ATAD1: variants seen among roughly 807,000 people sequenced by gnomAD.
ATAD1 encodes outer mitochondrial transmembrane helix translocase.
In ATAD1, 18 loss-of-function variants were observed where a neutral mutation model predicts 42.7. The observed-to-expected ratio is 0.42, with a 90% CI of 0.29 to 0.63. The LOEUF (loss-of-function observed/expected upper bound fraction) is 0.63. Among genes scored for constraint, ATAD1 ranks in the 20% least tolerant of loss-of-function variants. The pLI is 0.19. For missense variants in ATAD1, 294 were observed against 440.4 expected, an observed-to-expected ratio of 0.67 and a Z score of 2.98; for synonymous variants, 132 against 143.1, an observed-to-expected ratio of 0.92 and a Z score of 0.55.
At chr10:87,801,241 T>C (rs1856676837) in intron 2 of ATAD1, among the ~76,000 whole-genome samples, 1 of 152,216 alleles carries the variant, frequency 6.6e-6, no homozygotes, top group Non-Finnish European at 1.5e-5. Flanking sequence ...TTTGGTGAAA[T>C]GAATGACTTA....
At chr10:87,828,884 G>A (rs1161550847) in intron 1 of ATAD1, among the ~76,000 whole-genome samples, 1 of 152,136 alleles carries the variant, frequency 6.6e-6, no homozygotes, top group Non-Finnish European at 1.5e-5. Flanking sequence ...AACAAAGCTG[G>A]GATGACAGCA....
rs1854024109 is a variant in ATAD1, at chr10:87,751,542, C to A, written c.*3145G>T. 2 of 152,130 alleles carry A rather than the reference C, an allele frequency of 1.3e-5. No homozygotes were observed. The highest frequency in any genetic ancestry group is 2.4e-5 in the African/African-American group (1 of 41,430). The allele number at this position is 152,130 out of a possible 1,614,324, so 9.4% of individuals were successfully genotyped here. ...TTAGAAGCTCATATTTAATAAGGTTCAAGTTCTCCTCAATATGATTTTCAT... is the reference window on the plus strand; with the variant it reads ...TTAGAAGCTCATATTTAATAAGGTTAAAGTTCTCCTCAATATGATTTTCAT... On this transcript the variant is annotated 3_prime_UTR_variant, in exon 10 of 10. Transcript: ENST00000680024.
At chr10:87,791,408 TA>T (rs1282034915) in intron 3 of ATAD1, among the ~76,000 whole-genome samples, 2 of 145,464 alleles carry the variant, frequency 1.4e-5, no homozygotes, top group Non-Finnish European at 3.0e-5. Flanking sequence ...CTTCAAAATG[TA>T]AAAAAAAATG....
chr10:87,834,023 T>C (rs950561644), intron 1 of ATAD1, among the ~76,000 whole-genome samples: 1 of 152,206 alleles, frequency 6.6e-6, no homozygotes, highest in Non-Finnish European at 1.5e-5. Flanking sequence ...GCCTGTTAAA[T>C]GCTTTTTCTG....
At chr10:87,806,609 A>G (rs11202564) in intron 2 of ATAD1, among the ~76,000 whole-genome samples, 62,262 of 151,936 alleles carry the variant, frequency 0.41, 13,662 homozygotes, top group African/African-American at 0.57. Flanking sequence ...CTTCTGTGAC[A>G]TTTTCATCTC....
intron 5 of ATAD1, among the ~76,000 whole-genome samples, chr10:87,782,225 T>C (rs1054707612): frequency 6.6e-6 from 1 of 152,198 alleles, no homozygotes; most frequent in African/African-American, 2.4e-5. Flanking sequence ...TGCAGTGGAA[T>C]TGTAGCTTTA....
chr10:87,762,373 T>C (rs1470755238), intron 8 of ATAD1, among the ~76,000 whole-genome samples: 2 of 152,202 alleles, frequency 1.3e-5, no homozygotes, highest in African/African-American at 4.8e-5. Context: ...ACTTATTAAC[T>C]ATCCCCTTTA....
At chr10:87,778,193 A>C (rs1855399562) in intron 5 of ATAD1, among the ~76,000 whole-genome samples, 2 of 150,644 alleles carry the variant, frequency 1.3e-5, no homozygotes, top group Admixed American at 6.6e-5. Flanking sequence ...AAAAAAAAAA[A>C]AAAAAAACTC....
chr10:87,765,770 C>T (rs1008634181), intron 8 of ATAD1, among the ~76,000 whole-genome samples: 3 of 152,044 alleles, frequency 2.0e-5, no homozygotes, highest in African/African-American at 2.4e-5. Context: ...TGGTTCATGC[C>T]TATAATTCCA....
intron 2 of ATAD1, among the ~76,000 whole-genome samples, chr10:87,812,278 T>C (rs1857220171): frequency 6.6e-6 from 1 of 152,154 alleles, no homozygotes; most frequent in Non-Finnish European, 1.5e-5. Flanking sequence ...AGCATATTTA[T>C]TTATTTATTT....
intron 4 of ATAD1, 84 bp from the exon 5 acceptor site, chr10:87,784,754 C>T: frequency 7.6e-7 from 1 of 1,308,006 alleles, no homozygotes; most frequent in Non-Finnish European, 1.0e-6. Context: ...TAATTCCTTC[C>T]ACAAAAAACT....
At chr10:87,811,585 A>G (rs1254085437) in intron 2 of ATAD1, among the ~76,000 whole-genome samples, 2 of 152,232 alleles carry the variant, frequency 1.3e-5, no homozygotes, top group Admixed American at 1.3e-4. Flanking sequence ...ACCATTTATT[A>G]CAGTGACAAT....
chr10:87,770,350 T>A (rs1854972078), intron 7 of ATAD1, among the ~76,000 whole-genome samples: 1 of 152,224 alleles, frequency 6.6e-6, no homozygotes, highest in Non-Finnish European at 1.5e-5. Context: ...TTTGAAGATC[T>A]GTGCCAAAAT....
intron 1 of ATAD1, chr10:87,817,898 G>A (rs1220747851): frequency 1.2e-5 from 12 of 985,438 alleles, no homozygotes; most frequent in Non-Finnish European, 1.4e-5. Flanking sequence ...AGATTCCCTC[G>A]GGAATGGCAC....
Position 87,793,708 on chromosome 10 carries a change from C to G in ATAD1, c.163-953G>C, listed in dbSNP as rs78471896. Among the ~76,000 whole-genome samples, 1,454 of 152,180 alleles carry G rather than the reference C, an allele frequency of 9.6e-3. 33 individuals carry two copies. The highest frequency in any genetic ancestry group is 0.033 in the African/African-American group (1,371 of 41,530). On this transcript the variant is annotated intron_variant, in intron 2 of 9. Transcript: ENST00000680024. ...ATGAAAGAGTCTTTAAAAATCTATACATAACAAATTCAAATTTCAATTAAG... is the reference window on the plus strand; with the variant it reads ...ATGAAAGAGTCTTTAAAAATCTATAGATAACAAATTCAAATTTCAATTAAG...
chr10:87,805,352 T>A lies in ATAD1; in HGVS notation c.162+9086A>T, dbSNP rs1856874194. Among the ~76,000 whole-genome samples the A allele has an allele frequency of 2.0e-5, 3 of 152,182 alleles. No individual in the cohort carries two copies. In the South Asian group the frequency reaches 6.2e-4, roughly 31 times the overall value. On this transcript the variant is annotated intron_variant, in intron 2 of 9. Coordinates refer to ENST00000680024, the MANE Select transcript of ATAD1 (RefSeq NM_001321967.2). The stretch of plus-strand genomic sequence containing the variant: ...ACTTTAATGATGTGCTCCTGAGAAA[T>A]CCTTACACTTCTTGTTATACCAGTC...
chr10:87,776,253 A>T, intron 6 of ATAD1, 68 bp downstream of exon 6: 1 of 1,179,602 alleles, frequency 8.5e-7, no homozygotes, highest in Non-Finnish European at 1.2e-6. Context: ...CATAGTAAGT[A>T]GCCCAGCAAA....
rs374561021 is a variant in ATAD1 at position 87,784,939 on chromosome 10, C to A, written c.383-269G>T. ...TCAGTTTAAATGCTCACCTTGACAT[C>A]CAAATTCATACCACTTTATCAACAG... On this transcript the variant is annotated intron_variant, in intron 4 of 9. Coordinates refer to ENST00000680024, the MANE Select transcript of ATAD1 (RefSeq NM_001321967.2). Among the ~76,000 whole-genome samples, 121 of 152,308 alleles carry A rather than the reference C, an allele frequency of 7.9e-4. 3 individuals carry two copies. The South Asian group carries it at 0.016, about 21-fold the overall frequency.
chr10:87,794,232 A>G (rs1201963174), intron 2 of ATAD1, among the ~76,000 whole-genome samples: 1 of 152,174 alleles, frequency 6.6e-6, no homozygotes, highest in South Asian at 2.1e-4. Context: ...GAATTTTTAA[A>G]AAGTGCTATG....
Sources: gnomAD v4.1 joint callset for allele counts (sites outside exome capture counted in the v4.1 genomes callset) on GRCh38, gnomAD v4.1.1 for gene constraint, MANE v1.5 for transcripts, NCBI Gene and HGNC (gene_info 2026-07-23, HGNC 2026-07-21) for gene names.